RYR2: variants seen among roughly 807,000 people sequenced by gnomAD.
The protein encoded by RYR2 is ryanodine receptor 2, also known as cardiac muscle ryanodine receptor-calcium release channel.
In RYR2, 227 loss-of-function variants were observed where a neutral mutation model predicts 601.1. The observed-to-expected ratio is 0.38, with a 90% CI of 0.34 to 0.42. The LOEUF (loss-of-function observed/expected upper bound fraction) is 0.42, where lower values mean the gene tolerates loss of function less well. Ranked by LOEUF, RYR2 falls within the 10% of genes least tolerant of loss-of-function variation. RYR2 has a pLI of 1.00. For synonymous variants in RYR2, 2,223 were observed against 2,175.1 expected (o/e 1.02, Z -0.61); for missense variants, 4,646 against 6,156.5 (o/e 0.75, Z 8.21).
At chr1:237,661,574 C>T (rs1448025496) in intron 56 of RYR2, among the ~76,000 whole-genome samples, 1 of 152,146 alleles carries the variant, frequency 6.6e-6, no homozygotes, top group Non-Finnish European at 1.5e-5. Context: ...ACATCATGTT[C>T]GTTTGCTACA....
At chr1:237,781,202 C>T (rs774983083) in intron 88 of RYR2, among the ~76,000 whole-genome samples, 13 of 152,088 alleles carry the variant, frequency 8.5e-5, no homozygotes, top group Middle Eastern at 3.2e-3. Context: ...GTGTGTACTA[C>T]CCTGCCCAGA....
intron 29 of RYR2, among the ~76,000 whole-genome samples, chr1:237,576,082 G>A (rs980670528): frequency 2.0e-5 from 3 of 152,190 alleles, no homozygotes; most frequent in African/African-American, 4.8e-5. Flanking sequence ...AACTTATTGA[G>A]AGATGGTTGA....
chr1:237,642,103 T>A (rs1286997400), intron 47 of RYR2, among the ~76,000 whole-genome samples: 2 of 152,212 alleles, frequency 1.3e-5, no homozygotes, highest in Non-Finnish European at 2.9e-5. Context: ...GAACTGTAAG[T>A]ATATTTCTAA....
At chr1:237,193,730 A>G (rs1452251951) in intron 1 of RYR2, among the ~76,000 whole-genome samples, 2 of 152,212 alleles carry the variant, frequency 1.3e-5, no homozygotes, top group South Asian at 4.1e-4. Context: ...AACGAGTTGC[A>G]TATTTCCACT....
chr1:237,594,399 A>T (rs1409178213), intron 33 of RYR2, among the ~76,000 whole-genome samples: 1 of 152,162 alleles, frequency 6.6e-6, no homozygotes, highest in East Asian at 1.9e-4. Flanking sequence ...GGGTTGTAAC[A>T]TATGAAGCAT....
At chr1:237,785,504 G>T (rs1573940729) in intron 90 of RYR2, among the ~76,000 whole-genome samples, 1 of 152,252 alleles carries the variant, frequency 6.6e-6, no homozygotes, top group East Asian at 1.9e-4. Flanking sequence ...ACCTTAAAAA[G>T]TTTATTCCAG....
chr1:237,763,748 A>G (rs1385842622), intron 84 of RYR2, among the ~76,000 whole-genome samples: 2 of 152,214 alleles, frequency 1.3e-5, no homozygotes, highest in African/African-American at 2.4e-5. Flanking sequence ...AGCATATGTA[A>G]GGGCCACTCA....
At chr1:237,802,843 C>G (rs1660130482) in intron 98 of RYR2, among the ~76,000 whole-genome samples, 1 of 152,178 alleles carries the variant, frequency 6.6e-6, no homozygotes, top group Non-Finnish European at 1.5e-5. Flanking sequence ...TGCAGCTTAT[C>G]CATAATATTC....
chr1:237,674,028 A>G lies in RYR2; in HGVS notation c.8591-68A>G, dbSNP rs538644332. 3.0e-4 allele frequency: 381 copies of G among 1,275,168 alleles called. 2 individuals carry two copies. The African/African-American group carries it at 4.5e-3, about 15-fold the overall frequency. 79.0% of individuals were successfully genotyped at this position (1,275,168 alleles called of 1,614,324 possible). On this transcript the variant is annotated intron_variant, in intron 58 of 104. Coordinates refer to ENST00000366574, the MANE Select transcript of RYR2 (RefSeq NM_001035.3). The stretch of plus-strand genomic sequence containing the variant: ...AAGTTTTATAGTGTGGTCCAATTAT[A>G]TATCTGTGTCTCATCTCAGATTCTT...
At chr1:237,778,221 A>C (rs1355177528) in intron 87 of RYR2, among the ~76,000 whole-genome samples, 1 of 152,130 alleles carries the variant, frequency 6.6e-6, no homozygotes, top group East Asian at 1.9e-4. Flanking sequence ...TTTTTTCTCT[A>C]TATGAATGCT....
At chr1:237,286,417 T>C (rs73125455) in intron 2 of RYR2, among the ~76,000 whole-genome samples, 24,418 of 151,380 alleles carry the variant, frequency 0.16, 2,530 homozygotes, top group East Asian at 0.56. Flanking sequence ...TTAAATTTAT[T>C]GAGCCTTGTT....
intron 62 of RYR2, among the ~76,000 whole-genome samples, chr1:237,685,410 A>G (rs1686296003): frequency 6.6e-6 from 1 of 152,192 alleles, no homozygotes; most frequent in Non-Finnish European, 1.5e-5. Flanking sequence ...ACAGATTTTC[A>G]GGCATTACAT....
chr1:237,343,923 C>T (rs1037304362), intron 3 of RYR2, among the ~76,000 whole-genome samples: 7 of 151,308 alleles, frequency 4.6e-5, no homozygotes, highest in South Asian at 2.1e-4. Context: ...TGGTTTAAAG[C>T]GATTCTCCTG....
intron 54 of RYR2, 143 bp downstream of exon 54, chr1:237,658,165 T>C: frequency 2.3e-6 from 1 of 441,082 alleles, no homozygotes; most frequent in South Asian, 5.1e-5. Flanking sequence ...AATTAGCTTA[T>C]ATAATAATAT....
intron 16 of RYR2, among the ~76,000 whole-genome samples, chr1:237,467,862 T>C (rs941321414): frequency 6.0e-5 from 9 of 150,144 alleles, no homozygotes; most frequent in Non-Finnish European, 1.2e-4. Flanking sequence ...TCTCTGCTTT[T>C]TTTTTTTTTT....
intron 2 of RYR2, among the ~76,000 whole-genome samples, chr1:237,308,619 T>G (rs1694151502): frequency 6.6e-6 from 1 of 152,206 alleles, no homozygotes; most frequent in Admixed American, 6.5e-5. Context: ...GTTCGGAGTT[T>G]CTTCCTTCTG....
intron 3 of RYR2, among the ~76,000 whole-genome samples, chr1:237,340,222 G>C (rs1490057396): frequency 2.6e-5 from 4 of 152,134 alleles, no homozygotes; most frequent in Non-Finnish European, 5.9e-5. Flanking sequence ...GTGCTCAGGT[G>C]TCTCCATGAC....
chr1:237,154,950 T>C (rs1675141530), intron 1 of RYR2, among the ~76,000 whole-genome samples: 1 of 152,062 alleles, frequency 6.6e-6, no homozygotes, highest in South Asian at 2.1e-4. Flanking sequence ...AAATAAACAC[T>C]TTCTCATTGT....
intron 1 of RYR2, among the ~76,000 whole-genome samples, chr1:237,068,406 T>C (rs935445546): frequency 2.6e-5 from 4 of 152,162 alleles, no homozygotes; most frequent in African/African-American, 9.7e-5. Context: ...TCAAGAACAG[T>C]TGACATTGTT....
Sources: allele counts gnomAD v4.1 joint callset (sites outside exome capture counted in the v4.1 genomes callset), GRCh38; gene constraint gnomAD v4.1.1; transcripts MANE v1.5; gene names NCBI Gene and HGNC (gene_info 2026-07-23, HGNC 2026-07-21).